The following ULK4 variants were observed in gnomAD, a reference collection of about 807,000 sequenced individuals.
ULK4 encodes the protein unc-51 like kinase 4.
ULK4 carries 133 observed loss-of-function variants against 160.6 expected under a neutral mutation model. That is an observed-to-expected ratio of 0.83 (90% CI 0.72 to 0.96). The LOEUF is 0.96. Ranked by LOEUF, ULK4 falls within the 40% of genes least tolerant of loss-of-function variation. The pLI, the probability that ULK4 is intolerant of heterozygous loss-of-function variation, is 0.00. For missense variants in ULK4, 1,580 were observed against 1,499.5 expected (o/e 1.05, Z -0.89); for synonymous variants, 534 against 539.8 (o/e 0.99, Z 0.15).
chr3:41,318,724 C>T (rs1008530318), intron 35 of ULK4, among the ~76,000 whole-genome samples: 20 of 152,086 alleles, frequency 1.3e-4, no homozygotes, highest in African/African-American at 4.6e-4. Context: ...CAGCAGCAGG[C>T]AATAGGCAGT....
Position 41,663,755 on chromosome 3 carries a change from T to A in ULK4, c.2979-56A>T, listed in dbSNP as rs2125763328. 2.9e-6 allele frequency: 4 copies of A among 1,390,702 alleles called. No individual in the cohort carries two copies. In the South Asian group the frequency reaches 3.5e-5, roughly 12 times the overall value. The allele number at this position is 1,390,702 out of a possible 1,614,324, so 86.1% of individuals were successfully genotyped here. A position where few individuals can be genotyped will look rare whatever the true frequency, so the allele number is the denominator to read the frequency against. The stretch of plus-strand genomic sequence containing the variant: ...CAGTAGGAAAAATTATGTCCAACCT[T>A]GAATTCTATATCCAGCCAAACTATC... On this transcript the variant is annotated intron_variant, in intron 29 of 36. Coordinates refer to ENST00000301831, the MANE Select transcript of ULK4 (RefSeq NM_017886.4).
intron 19 of ULK4, 82 bp downstream of exon 19, chr3:41,819,341 G>A: frequency 1.5e-6 from 2 of 1,337,316 alleles, no homozygotes; most frequent in Admixed American, 2.1e-5. Flanking sequence ...CTCCTGCACT[G>A]CTGCAGGCTA....
intron 29 of ULK4, among the ~76,000 whole-genome samples, chr3:41,669,761 T>A (rs1241617451): frequency 6.6e-6 from 1 of 151,138 alleles, no homozygotes; most frequent in East Asian, 1.9e-4. Context: ...GTATAGATAA[T>A]ATAATAATAA....
At chr3:41,568,972 G>A (rs181143179) in intron 31 of ULK4, among the ~76,000 whole-genome samples, 7 of 152,136 alleles carry the variant, frequency 4.6e-5, no homozygotes, top group Non-Finnish European at 1.0e-4. Flanking sequence ...ATTTACTAGA[G>A]TGGCTTACAG....
At chr3:41,288,102 A>C (rs1019704746) in intron 35 of ULK4, among the ~76,000 whole-genome samples, 1 of 152,192 alleles carries the variant, frequency 6.6e-6, no homozygotes, top group Non-Finnish European at 1.5e-5. Context: ...ATTACACTAA[A>C]ATTCAGTTTG....
chr3:41,787,962 A>C (rs1298411437), intron 21 of ULK4, among the ~76,000 whole-genome samples: 1 of 152,086 alleles, frequency 6.6e-6, no homozygotes, highest in East Asian at 1.9e-4. Context: ...CACACACACA[A>C]ATTCTTCTAA....
chr3:41,700,444 A>T (rs570083597), intron 27 of ULK4, among the ~76,000 whole-genome samples: 1 of 152,116 alleles, frequency 6.6e-6, no homozygotes, highest in Non-Finnish European at 1.5e-5. Context: ...ACCCCTCCAC[A>T]CACATTCACA....
intron 32 of ULK4, among the ~76,000 whole-genome samples, chr3:41,490,750 A>C (rs2084725910): frequency 6.6e-6 from 1 of 152,220 alleles, no homozygotes; most frequent in South Asian, 2.1e-4. Flanking sequence ...GGAATATTAA[A>C]GGTATTCATT....
At chr3:41,711,003 G>A (rs1225110891) in intron 25 of ULK4, among the ~76,000 whole-genome samples, 1 of 152,126 alleles carries the variant, frequency 6.6e-6, no homozygotes, top group Non-Finnish European at 1.5e-5. Context: ...ACAAGCGGAT[G>A]CTGACAGTAA....
intron 22 of ULK4, among the ~76,000 whole-genome samples, chr3:41,729,817 C>T (rs960708123): frequency 1.3e-5 from 2 of 152,222 alleles, no homozygotes; most frequent in African/African-American, 4.8e-5. Context: ...GAAGTACTCA[C>T]AGGCATTGTT....
At chr3:41,367,211 T>C (rs570969060) in intron 35 of ULK4, among the ~76,000 whole-genome samples, 1 of 152,226 alleles carries the variant, frequency 6.6e-6, no homozygotes, top group Non-Finnish European at 1.5e-5. Flanking sequence ...TGAAGGTCTA[T>C]GAGTACTGGC....
chr3:41,321,752 C>T (rs2125730988), intron 35 of ULK4, among the ~76,000 whole-genome samples: 1 of 144,460 alleles, frequency 6.9e-6, no homozygotes, highest in South Asian at 2.2e-4. Flanking sequence ...TCCTGAGGAA[C>T]ACTTGATTGG....
rs1370738731 is a variant in ULK4, at chr3:41,900,842, C to T, written c.1183-13G>A. ...GTCCACTTGTAATCTGAAATGAGAA[C>T]AAAAATTAGACTTTGTTTCTGCGAC... On this transcript the variant is annotated splice_polypyrimidine_tract_variant and intron_variant, in intron 12 of 36. Coordinates refer to ENST00000301831, the MANE Select transcript of ULK4 (RefSeq NM_017886.4). 6.2e-7 allele frequency: 1 copy of T among 1,600,934 alleles called. No individual in the cohort carries two copies. The highest frequency in any genetic ancestry group is 8.5e-7 in the Non-Finnish European group (1 of 1,169,836).
At chr3:41,247,199 C>T (rs2078661947) in intron 36 of ULK4, among the ~76,000 whole-genome samples, 1 of 152,166 alleles carries the variant, frequency 6.6e-6, no homozygotes, top group African/African-American at 2.4e-5. Context: ...TATTTCTGAG[C>T]TCCCAGCCCC....
intron 32 of ULK4, 48 bp from the exon 33 acceptor site, chr3:41,463,301 A>T (rs758134686): frequency 8.9e-6 from 14 of 1,574,498 alleles, no homozygotes; most frequent in Non-Finnish European, 1.1e-5. Flanking sequence ...TAAGTACACA[A>T]ATGTGTCATA....
At chr3:41,440,788 T>C (rs1401242118) in intron 34 of ULK4, among the ~76,000 whole-genome samples, 1 of 152,114 alleles carries the variant, frequency 6.6e-6, no homozygotes, top group Non-Finnish European at 1.5e-5. Context: ...GGCTTCCTTA[T>C]GGAAACATTT....
intron 17 of ULK4, among the ~76,000 whole-genome samples, chr3:41,843,926 CAG>C (rs2042001090): frequency 6.6e-6 from 1 of 152,102 alleles, no homozygotes; most frequent in Non-Finnish European, 1.5e-5. Flanking sequence ...TAGCTAGATA[CAG>C]AGTGTCTGCA....
chr3:41,946,107 T>C (rs1453987419), intron 2 of ULK4, among the ~76,000 whole-genome samples: 1 of 152,132 alleles, frequency 6.6e-6, no homozygotes, highest in Non-Finnish European at 1.5e-5. Flanking sequence ...CATGGGTGTA[T>C]TTATTTTATG....
At chr3:41,642,387 C>G (rs192365832) in intron 30 of ULK4, among the ~76,000 whole-genome samples, 4 of 152,080 alleles carry the variant, frequency 2.6e-5, no homozygotes, top group African/African-American at 7.2e-5. Flanking sequence ...CCCCTTCCTG[C>G]GTCCATGTGT....
Sources: gnomAD v4.1 joint callset for allele counts (sites outside exome capture counted in the v4.1 genomes callset) on GRCh38, gnomAD v4.1.1 for gene constraint, MANE v1.5 for transcripts, NCBI Gene and HGNC (gene_info 2026-07-23, HGNC 2026-07-21) for gene names.